Variants in AGER observed in about 807,000 individuals in gnomAD.
AGER encodes advanced glycosylation end-product specific receptor.
A neutral mutation model predicts 48.8 loss-of-function variants in AGER; 46 were observed. That is an observed-to-expected ratio of 0.94 (90% CI 0.74 to 1.20). The LOEUF is 1.20. AGER is among the 50% of genes most tolerant of loss of function. The pLI, the probability that AGER is intolerant of heterozygous loss-of-function variation, is 0.00. For missense variants in AGER, 489 were observed against 515.0 expected, an observed-to-expected ratio of 0.95 and a Z score of 0.49; for synonymous variants, 170 against 199.9, an observed-to-expected ratio of 0.85 and a Z score of 1.26.
rs1328669957 is a variant in AGER at position 32,182,936 on chromosome 6, C to T, written c.596G>A (p.Gly199Glu). The T allele has an allele frequency of 3.1e-6, 5 of 1,612,302 alleles. No individual in the cohort carries two copies. The highest frequency in any genetic ancestry group is 4.2e-6 in the Non-Finnish European group (5 of 1,179,664). Residue 199 changes from glycine (G) to glutamate (E), a missense_variant, in exon 6 of 11, where the codon GGA (glycine) becomes GAA (glutamate). Coordinates refer to ENST00000375076, the MANE Select transcript of AGER (RefSeq NM_001136.5). The surrounding 1 kb of genome is among the most constrained non-coding windows in gnomAD (Gnocchi z 5.1). ...GGAGAAGGTGGGACGGGGATCTCCT[C>T]CCCGGGCTGGGGTCACCATTAGCTC... is the stretch of plus-strand genomic sequence containing the variant. ...QSELMVTPARGGDPRPTFSCS... is the reference protein window; with the variant it reads ...QSELMVTPAREGDPRPTFSCS...
At position 32,181,689 on chromosome 6, in the gene AGER, A is replaced by T; in HGVS notation, c.965-57T>A. The stretch of plus-strand genomic sequence containing the variant: ...GAAGACTTCGGGTTGAGAGAGGGTT[A>T]TTTAGTGGGAGCCCCAGTGGAGTCT... On this transcript the variant is annotated intron_variant, in intron 8 of 10. Coordinates refer to ENST00000375076, the MANE Select transcript of AGER (RefSeq NM_001136.5). The surrounding 1 kb of genome is among the most constrained non-coding windows in gnomAD (Gnocchi z 4.1). 1 of 1,543,934 alleles carries T rather than the reference A, an allele frequency of 6.5e-7. No individual in the cohort carries two copies. The highest frequency in any genetic ancestry group is 8.9e-7 in the Non-Finnish European group (1 of 1,124,026).
chr6:32,182,963 G>T lies in AGER; in HGVS notation c.569C>A (p.Ser190Ter), dbSNP rs766063160. Residue 190 changes from serine to a stop codon, truncating the protein, a stop_gained, in exon 6 of 11, where the codon TCG becomes TAG. Coordinates refer to ENST00000375076, the MANE Select transcript of AGER (RefSeq NM_001136.5). LOFTEE classifies it high-confidence loss of function. This position sits in a 1 kb window ranked among gnomAD's most constrained non-coding sequence, Gnocchi z 5.1. ...HPETGLFTLQ[S>*]ELMVTPARGG... Reference sequence around the variant, plus strand: ...CCGGGCTGGGGTCACCATTAGCTCCGACTGCAGTGTGAAGAGCCCTGTCTC... The same window carrying T: ...CCGGGCTGGGGTCACCATTAGCTCCTACTGCAGTGTGAAGAGCCCTGTCTC... The T allele has an allele frequency of 6.2e-6, 10 of 1,612,736 alleles. No individual in the cohort carries two copies. Among genetic ancestry groups the T allele is most frequent in the Middle Eastern group, 3.3e-4 (2 of 6,068 alleles).
In AGER at chr6:32,183,563, CG is replaced by C. The variant is rs1554138791; in HGVS notation, c.346del (p.Arg116ValfsTer12). ...GKETKSNYRV[R>X]VYQIPGKPEI... ...GACCCTGGAATTCTTACGGTAGACA[CG>C]GACTCGGTAGTTGGACTTGGTCTCC... On this transcript the variant is annotated frameshift_variant, in exon 3 of 11. Transcript: ENST00000375076. LOFTEE classifies it high-confidence loss of function. 1 of 1,612,926 alleles carries C rather than the reference CG, an allele frequency of 6.2e-7. No homozygotes were observed. Among genetic ancestry groups the C allele is most frequent in the Non-Finnish European group, 8.5e-7 (1 of 1,180,028 alleles).
Position 32,182,939 on chromosome 6 carries a change from C to T in AGER, c.593G>A (p.Arg198Gln), listed in dbSNP as rs375056984. The T allele has an allele frequency of 1.8e-5, 29 of 1,612,056 alleles. No individual in the cohort carries two copies. The highest frequency in any genetic ancestry group is 6.7e-5 in the East Asian group (3 of 44,896). ...GAAGGTGGGACGGGGATCTCCTCCC[C>T]GGGCTGGGGTCACCATTAGCTCCGA... is the stretch of plus-strand genomic sequence containing the variant. ...LQSELMVTPA[R>Q]GGDPRPTFSC... The change falls in exon 6 of 11, where the codon CGG (arginine) becomes CAG (glutamine). Residue 198 changes from arginine to glutamine, a missense_variant. Coordinates refer to ENST00000375076, the MANE Select transcript of AGER (RefSeq NM_001136.5). This position sits in a 1 kb window ranked among gnomAD's most constrained non-coding sequence, Gnocchi z 5.1.
Position 32,182,619 on chromosome 6 carries a change from C to T in AGER, c.771G>A (p.Leu257=). ...GAVAPGGTVT[L]TCEVPAQPSP... ...AGGGCTGGGCAGGGACTTCACAGGTCAGGGTTACGGTTCCACCAGGAGCTA... is the reference window on the plus strand; with the variant it reads ...AGGGCTGGGCAGGGACTTCACAGGTTAGGGTTACGGTTCCACCAGGAGCTA... The change falls in exon 7 of 11, where the codon CTG becomes CTA. Residue 257 remains leucine (L), a synonymous_variant. Transcript: ENST00000375076. The surrounding 1 kb of genome is among the most constrained non-coding windows in gnomAD (Gnocchi z 5.1). 1 of 1,613,060 alleles carries T rather than the reference C, an allele frequency of 6.2e-7. No homozygotes were observed. Among genetic ancestry groups the T allele is most frequent in the Non-Finnish European group, 8.5e-7 (1 of 1,180,036 alleles).
Position 32,183,735 on chromosome 6 carries a change from C to A in AGER, c.175G>T (p.Glu59Ter). 1 of 1,612,996 alleles carries A rather than the reference C, an allele frequency of 6.2e-7. No homozygotes were observed. The highest frequency in any genetic ancestry group is 8.5e-7 in the Non-Finnish European group (1 of 1,179,988). Residue 59 changes from glutamate to a stop codon, truncating the protein, a stop_gained, in exon 3 of 11, where the codon GAA (glutamate) becomes TAA (stop). Coordinates refer to ENST00000375076, the MANE Select transcript of AGER (RefSeq NM_001136.5). LOFTEE classifies it high-confidence loss of function. Reference sequence around the variant, plus strand: ...TGGGGAGACAGGACCTTCCAAGCTTCTGTCCGGCCTGTGTTCTAGAAGCAG... The same window carrying A: ...TGGGGAGACAGGACCTTCCAAGCTTATGTCCGGCCTGTGTTCTAGAAGCAG... ...LEWKLNTGRTEAWKVLSPQGG... is the reference protein window; with the variant it reads ...LEWKLNTGRT
chr6:32,184,224 C>A lies in AGER; in HGVS notation c.-2G>T, dbSNP rs1786803184. 6.2e-7 allele frequency: 1 copy of A among 1,612,260 alleles called. No homozygotes were observed. The highest frequency in any genetic ancestry group is 8.5e-7 in the Non-Finnish European group (1 of 1,179,686). ...TCCAACTGCTGTTCCGGCAGCCATC[C>A]TGCTTCCTTCCAGGGTCCTGGCTCT... is the stretch of plus-strand genomic sequence containing the variant. On this transcript the variant is annotated 5_prime_UTR_variant, in exon 1 of 11. It adds an upstream start codon to the 5' untranslated region. Coordinates refer to ENST00000375076, the MANE Select transcript of AGER (RefSeq NM_001136.5).
chr6:32,183,616 C>T lies in AGER; in HGVS notation c.294G>A (p.Arg98=), dbSNP rs900321363. The change falls in exon 3 of 11, where the codon CGG becomes CGA. Residue 98 remains arginine (R), a synonymous_variant. Transcript: ENST00000375076. The part of the protein sequence containing the change: ...AVGIQDEGIF[R]CQAMNRNGKE... ...TTCCATTCCTGTTCATTGCCTGGCA[C>T]CGGAAAATCCCCTCATCCTGGATCC... 3.7e-6 allele frequency: 6 copies of T among 1,612,922 alleles called. No homozygotes were observed. In the African/African-American group the frequency reaches 5.3e-5, roughly 14 times the overall value.
Position 32,182,667 on chromosome 6 carries a change from C to T in AGER, c.723G>A (p.Val241=). 2 of 1,613,090 alleles carry T rather than the reference C, an allele frequency of 1.2e-6. No homozygotes were observed. Among genetic ancestry groups the T allele is most frequent in the South Asian group, 1.1e-5 (1 of 91,090 alleles). Residue 241 remains valine, a synonymous_variant, in exon 7 of 11, where the codon GTG becomes GTA. Transcript: ENST00000375076. This position sits in a 1 kb window ranked among gnomAD's most constrained non-coding sequence, Gnocchi z 5.1. ...CTACTGCTCCACCTTCTGGCTCCAC[C>T]ACCAATTGGACCTCCTCCAGAGGCA... ...EPVPLEEVQL[V]VEPEGGAVAP... is the part of the protein sequence containing the mutation.
chr6:32,183,343 G>GT lies in AGER; in HGVS notation c.400dup (p.Thr134AsnfsTer7), dbSNP rs763884526. The GT allele has an allele frequency of 2.5e-6, 4 of 1,612,996 alleles. No individual in the cohort carries two copies. The highest frequency in any genetic ancestry group is 1.3e-5 in the African/African-American group (1 of 74,930). ...CACTACCTTATTGGGAACACCAGCC[G>GT]TGAGTTCAGAGGCAGAATCTACAAT... On this transcript the variant is annotated frameshift_variant, in exon 4 of 11. Coordinates refer to ENST00000375076, the MANE Select transcript of AGER (RefSeq NM_001136.5). LOFTEE classifies it high-confidence loss of function.
intron 5 of AGER, 40 bp from the exon 6 acceptor site, chr6:32,183,063 G>A (rs374395007): frequency 1.2e-6 from 2 of 1,612,996 alleles, no homozygotes; most frequent in South Asian, 1.1e-5. Context: ...CAGGGTGGGT[G>A]TGGGAGTGAG....
At position 32,183,569 on chromosome 6, in the gene AGER, C is replaced by G; in HGVS notation, c.341G>C (p.Arg114Pro). 6.2e-7 allele frequency: 1 copy of G among 1,613,052 alleles called. No homozygotes were observed. The highest frequency in any genetic ancestry group is 8.5e-7 in the Non-Finnish European group (1 of 1,180,034). ...RNGKETKSNY[R>P]VRVYQIPGKP... The stretch of plus-strand genomic sequence containing the variant: ...GGAATTCTTACGGTAGACACGGACT[C>G]GGTAGTTGGACTTGGTCTCCTTTCC... Residue 114 changes from arginine to proline, a missense_variant, in exon 3 of 11, where the codon CGA (arginine) becomes CCA (proline). By Grantham distance (103) the Arg-to-Pro change is moderately radical. Coordinates refer to ENST00000375076, the MANE Select transcript of AGER (RefSeq NM_001136.5).
Position 32,182,481 on chromosome 6 carries a change from C to A in AGER, c.822+87G>T. ...CCCTCTCTTCCTCCTCAGCTCCTAG[C>A]CTGCCTTTCCCTCGTTAGCCCTCTG... On this transcript the variant is annotated intron_variant, in intron 7 of 10. Transcript: ENST00000375076. The surrounding 1 kb of genome is among the most constrained non-coding windows in gnomAD (Gnocchi z 5.1). 6.3e-7 allele frequency: 1 copy of A among 1,590,226 alleles called. No homozygotes were observed. Among genetic ancestry groups the A allele is most frequent in the Non-Finnish European group, 8.6e-7 (1 of 1,166,454 alleles).
intron 5 of AGER, 21 bp downstream of exon 5, chr6:32,183,093 G>C (rs1479849454): frequency 6.2e-7 from 1 of 1,612,728 alleles, no homozygotes; most frequent in Non-Finnish European, 8.5e-7. Context: ...AAGGCAGCTT[G>C]GGGGGCACCT....
Position 32,182,174 on chromosome 6 carries a change from G to A in AGER, c.964+73C>T, listed in dbSNP as rs1786335589. On this transcript the variant is annotated intron_variant, in intron 8 of 10. Coordinates refer to ENST00000375076, the MANE Select transcript of AGER (RefSeq NM_001136.5). This position sits in a 1 kb window ranked among gnomAD's most constrained non-coding sequence, Gnocchi z 5.1. ...GGCTGTTAGGGATAAGGCCAGAATG[G>A]GGCAGGAAATTAGAGCCTGTGCTGT... 1 of 1,604,576 alleles carries A rather than the reference G, an allele frequency of 6.2e-7. No individual in the cohort carries two copies. The highest frequency in any genetic ancestry group is 8.5e-7 in the Non-Finnish European group (1 of 1,174,350).
Position 32,182,491 on chromosome 6 carries a change from C to T in AGER, c.822+77G>A. 6.3e-7 allele frequency: 1 copy of T among 1,591,744 alleles called. No individual in the cohort carries two copies. Among genetic ancestry groups the T allele is most frequent in the Non-Finnish European group, 8.6e-7 (1 of 1,166,986 alleles). On this transcript the variant is annotated intron_variant, in intron 7 of 10. Coordinates refer to ENST00000375076, the MANE Select transcript of AGER (RefSeq NM_001136.5). The surrounding 1 kb of genome is among the most constrained non-coding windows in gnomAD (Gnocchi z 5.1). The stretch of plus-strand genomic sequence containing the variant: ...CTCCTCAGCTCCTAGCCTGCCTTTC[C>T]CTCGTTAGCCCTCTGCCCTCCCTGT...
Position 32,182,220 on chromosome 6 carries a change from T to C in AGER, c.964+27A>G, listed in dbSNP as rs561779068. 6.2e-7 allele frequency: 1 copy of C among 1,612,554 alleles called. No individual in the cohort carries two copies. The highest frequency in any genetic ancestry group is 2.2e-5 in the East Asian group (1 of 44,860). On this transcript the variant is annotated intron_variant, in intron 8 of 10. Transcript: ENST00000375076. The surrounding 1 kb of genome is among the most constrained non-coding windows in gnomAD (Gnocchi z 5.1). ...GCTGTCCTGCACCCTAGTCCCAGGG[T>C]CTGTAGGGCTTGGGGAGAGGTCTCA...
chr6:32,181,743 G>T lies in AGER; in HGVS notation c.965-111C>A. On this transcript the variant is annotated intron_variant, in intron 8 of 10. Transcript: ENST00000375076. This position sits in a 1 kb window ranked among gnomAD's most constrained non-coding sequence, Gnocchi z 4.1. ...CCTTTCTTTTTTTTTTTGAGATGGA[G>T]TTTCACTTTTGTTGCCCAGGCTGGC... 3 of 1,186,482 alleles carry T rather than the reference G, an allele frequency of 2.5e-6. No individual in the cohort carries two copies. Among genetic ancestry groups the T allele is most frequent in the South Asian group, 1.4e-5 (1 of 71,834 alleles). 73.5% of individuals were successfully genotyped at this position (1,186,482 alleles called of 1,614,324 possible).
chr6:32,182,478 T>G lies in AGER; in HGVS notation c.822+90A>C. 6.3e-7 allele frequency: 1 copy of G among 1,590,300 alleles called. No homozygotes were observed. The highest frequency in any genetic ancestry group is 8.6e-7 in the Non-Finnish European group (1 of 1,166,584). On this transcript the variant is annotated intron_variant, in intron 7 of 10. Coordinates refer to ENST00000375076, the MANE Select transcript of AGER (RefSeq NM_001136.5). The surrounding 1 kb of genome is among the most constrained non-coding windows in gnomAD (Gnocchi z 5.1). ...ATACCCTCTCTTCCTCCTCAGCTCC[T>G]AGCCTGCCTTTCCCTCGTTAGCCCT...
Sources: gnomAD v4.1 joint callset for allele counts on GRCh38, gnomAD v4.1.1 for gene constraint, Gnocchi (gnomAD v3.1) non-coding constraint, MANE v1.5 for transcripts, NCBI Gene and HGNC (gene_info 2026-07-23, HGNC 2026-07-21) for gene names.